RGS6: variants seen among roughly 807,000 people sequenced by gnomAD.
RGS6 encodes regulator of G-protein signaling 6.
A neutral mutation model predicts 78.5 loss-of-function variants in RGS6; 30 were observed. The observed-to-expected ratio is 0.38, with a 90% CI of 0.29 to 0.52. The LOEUF (loss-of-function observed/expected upper bound fraction) is 0.52, where lower values mean the gene tolerates loss of function less well. Among genes scored for constraint, RGS6 ranks in the 20% least tolerant of loss-of-function variants. The pLI is 0.85. For synonymous variants in RGS6, 206 were observed against 206.0 expected, an observed-to-expected ratio of 1.00 and a Z score of 0.00; for missense variants, 495 against 609.7, an observed-to-expected ratio of 0.81 and a Z score of 1.98.
At position 72,116,986 on chromosome 14, in the gene RGS6, A is replaced by G. The variant is rs1338922085; in HGVS notation, c.84+152111A>G. ...CTCAAAAAAAAAAAAAAAAAAAAAA[A>G]AGAGAGTTTAAAGTAGAGTGATATG... On this transcript the variant is annotated intron_variant, in intron 2 of 17. Coordinates refer to ENST00000553525, the MANE Select transcript of RGS6 (RefSeq NM_001204424.2). 3.3e-3 allele frequency among the ~76,000 whole-genome samples: 477 copies of G among 143,740 alleles called. 4 individuals carry two copies. The highest frequency in any genetic ancestry group is 0.011 in the African/African-American group (444 of 39,514). 94.3% of individuals were successfully genotyped at this position (143,740 alleles called of 152,430 possible). A position where few individuals can be genotyped will look rare whatever the true frequency, so the allele number is the denominator to read the frequency against.
the RGS6 span, among the ~76,000 whole-genome samples, chr14:71,892,510 A>G: frequency 3.9e-5 from 6 of 152,220 alleles, no homozygotes; most frequent in Non-Finnish European, 5.9e-5. Flanking sequence ...ACCACCTCCT[A>G]ATACTTGAGT....
chr14:71,882,651 A>G, the RGS6 span, among the ~76,000 whole-genome samples: 3 of 152,208 alleles, frequency 2.0e-5, no homozygotes, highest in Admixed American at 6.6e-5. Flanking sequence ...TAGCATTACA[A>G]TGGTTCTTGC....
chr14:71,926,585 G>GAAAAAAAAAAAAAAAAAAAAAA, the RGS6 span, among the ~76,000 whole-genome samples: 1 of 51,262 alleles, frequency 2.0e-5, no homozygotes, highest in Non-Finnish European at 3.9e-5. Flanking sequence ...CTCTGTCTCA[G>GAAAAAAAAAAAAAAAAAAAAAA]AAAAAAAAAA....
intron 2 of RGS6, among the ~76,000 whole-genome samples, chr14:72,003,761 G>A (rs2083962344): frequency 6.6e-6 from 1 of 152,122 alleles, no homozygotes; most frequent in Non-Finnish European, 1.5e-5. Context: ...AACGTGTACT[G>A]TGTTGTCATT....
At chr14:72,447,292 G>A (rs115503969) in intron 3 of RGS6, among the ~76,000 whole-genome samples, 161 of 152,212 alleles carry the variant, frequency 1.1e-3, no homozygotes, top group African/African-American at 3.5e-3. Context: ...CCTCACTTCC[G>A]GGAAATGCGC....
intron 2 of RGS6, among the ~76,000 whole-genome samples, chr14:72,304,115 C>T (rs1360397791): frequency 6.6e-6 from 1 of 152,340 alleles, no homozygotes; most frequent in Admixed American, 6.5e-5. Flanking sequence ...CTTGTTACTA[C>T]ATAGCCGGCC....
chr14:72,005,467 A>ATCTAATCTATCTATCTATCTATCTG (rs1555428453), intron 2 of RGS6, among the ~76,000 whole-genome samples: 157 of 151,292 alleles, frequency 1.0e-3, no homozygotes, highest in East Asian at 2.5e-3. Flanking sequence ...CTATCTATCT[A>ATCTAATCTATCTATCTATCTATCTG]TATCTCCCTA....
chr14:72,373,658 A>G (rs1037591345), intron 3 of RGS6, among the ~76,000 whole-genome samples: 1 of 152,182 alleles, frequency 6.6e-6, no homozygotes, highest in African/African-American at 2.4e-5. Flanking sequence ...TTAGAGAAGG[A>G]GATGATGGAA....
At position 72,271,920 on chromosome 14, in the gene RGS6, CTTT is replaced by C. The variant is rs35019998; in HGVS notation, c.85-80160_85-80158del. On this transcript the variant is annotated intron_variant, in intron 2 of 17. Coordinates refer to ENST00000553525, the MANE Select transcript of RGS6 (RefSeq NM_001204424.2). ...TTGAGTCCTCCTTAACACAGCATCA[CTTT>C]TTTTTTTTTTTTTTGCCTTCTTCTT... is the stretch of plus-strand genomic sequence containing the variant. Among the ~76,000 whole-genome samples, 248 of 132,810 alleles carry C rather than the reference CTTT, an allele frequency of 1.9e-3. 2 individuals are homozygous for C. Among genetic ancestry groups the C allele is most frequent in the African/African-American group, 6.2e-3 (227 of 36,636 alleles). 87.1% of individuals were successfully genotyped at this position (132,810 alleles called of 152,430 possible).
At chr14:72,008,247 CTTGT>C (rs2084962626) in intron 2 of RGS6, among the ~76,000 whole-genome samples, 1 of 152,164 alleles carries the variant, frequency 6.6e-6, no homozygotes, top group South Asian at 2.1e-4. Context: ...GGCCAGATAA[CTTGT>C]TTCTTTATTT....
chr14:72,366,546 T>C (rs1237408226), intron 3 of RGS6, among the ~76,000 whole-genome samples: 3 of 152,264 alleles, frequency 2.0e-5, no homozygotes, highest in Admixed American at 6.5e-5. Flanking sequence ...CCAAGGCTCA[T>C]TGGCTTTTTG....
chr14:71,973,620 A>C (rs2093942278), intron 2 of RGS6, among the ~76,000 whole-genome samples: 1 of 152,186 alleles, frequency 6.6e-6, no homozygotes, highest in Admixed American at 6.5e-5. Flanking sequence ...GGGAGGCAGA[A>C]GCTACAGTGA....
At position 72,480,363 on chromosome 14, in the gene RGS6, C is replaced by A. The variant is rs1293106703; in HGVS notation, c.854+2034C>A. On this transcript the variant is annotated intron_variant, in intron 12 of 17. Coordinates refer to ENST00000553525, the MANE Select transcript of RGS6 (RefSeq NM_001204424.2). ...GGTGGAGGCGGGGAGCCCGGCCCATCCTATTGTTTGTTTGTTTCCTTGCTG... is the reference window on the plus strand; with the variant it reads ...GGTGGAGGCGGGGAGCCCGGCCCATACTATTGTTTGTTTGTTTCCTTGCTG... 7.2e-5 allele frequency among the ~76,000 whole-genome samples: 11 copies of A among 152,146 alleles called. 1 individual carries two copies. The highest frequency in any genetic ancestry group is 2.7e-4 in the African/African-American group (11 of 41,430).
At chr14:71,955,039 G>A (rs1300337973) in intron 1 of RGS6, among the ~76,000 whole-genome samples, 1 of 152,210 alleles carries the variant, frequency 6.6e-6, no homozygotes, top group Non-Finnish European at 1.5e-5. Flanking sequence ...TAGGCACTTA[G>A]TGTGAGGTTT....
intron 3 of RGS6, among the ~76,000 whole-genome samples, chr14:72,434,796 G>A (rs1205614889): frequency 6.6e-6 from 1 of 152,082 alleles, no homozygotes; most frequent in Admixed American, 6.5e-5. Flanking sequence ...CTCTTCCTTT[G>A]TTCAAAAAAC....
At chr14:72,190,085 G>C (rs1395733042) in intron 2 of RGS6, among the ~76,000 whole-genome samples, 1 of 152,060 alleles carries the variant, frequency 6.6e-6, no homozygotes, top group Non-Finnish European at 1.5e-5. Context: ...GCCAACCTGT[G>C]TACCCCTTTT....
At chr14:72,388,233 AAC>A (rs1240833537) in intron 3 of RGS6, among the ~76,000 whole-genome samples, 1 of 151,966 alleles carries the variant, frequency 6.6e-6, no homozygotes, top group South Asian at 2.1e-4. Context: ...CATATGGGAA[AAC>A]ACACACACAT....
chr14:72,007,408 G>C (rs1428931014), intron 2 of RGS6, among the ~76,000 whole-genome samples: 1 of 152,162 alleles, frequency 6.6e-6, no homozygotes, highest in Non-Finnish European at 1.5e-5. Flanking sequence ...AGTAAACAAA[G>C]ATAGTGTCTC....
At chr14:72,375,700 C>T (rs2084533812) in intron 3 of RGS6, among the ~76,000 whole-genome samples, 1 of 152,194 alleles carries the variant, frequency 6.6e-6, no homozygotes, top group Non-Finnish European at 1.5e-5. Flanking sequence ...AAAAGTTGCA[C>T]CGCTACCAGC....
Sources: gnomAD v4.1 joint callset for allele counts (sites outside exome capture counted in the v4.1 genomes callset) on GRCh38, gnomAD v4.1.1 for gene constraint, MANE v1.5 for transcripts, NCBI Gene and HGNC (gene_info 2026-07-23, HGNC 2026-07-21) for gene names.